PPM1D: variants seen among roughly 807,000 people sequenced by gnomAD.
PPM1D encodes protein phosphatase 1D.
PPM1D carries 52 observed loss-of-function variants against 58.3 expected under a neutral mutation model. The ratio of observed to expected loss-of-function variants is 0.89; its 90% CI spans 0.71 to 1.12. The LOEUF is 1.12. Among genes scored for constraint, PPM1D ranks in the 50% most tolerant of loss-of-function variants. PPM1D has a pLI of 0.00. For synonymous variants in PPM1D, 278 were observed against 285.1 expected, an observed-to-expected ratio of 0.98 and a Z score of 0.25; for missense variants, 564 against 777.2, an observed-to-expected ratio of 0.73 and a Z score of 3.26.
chr17:60,604,034 C>T (rs574168798), intron 1 of PPM1D, among the ~76,000 whole-genome samples: 3 of 152,184 alleles, frequency 2.0e-5, no homozygotes, highest in Non-Finnish European at 4.4e-5. Flanking sequence ...ATACTTAATA[C>T]GTTAAGATCC....
rs955724887 is a variant in PPM1D at position 60,664,571 on chromosome 17, A to AT, written c.*1025dup. On this transcript the variant is annotated 3_prime_UTR_variant, in exon 6 of 6. Transcript: ENST00000305921. ...ATGCTTGGGACCAGAAGTGTTTCAGATTTTTTAAAATTTTGGAATATTTGC... is the reference window on the plus strand; with the variant it reads ...ATGCTTGGGACCAGAAGTGTTTCAGATTTTTTTAAAATTTTGGAATATTTGC... 8 of 152,172 alleles carry AT rather than the reference A, an allele frequency of 5.3e-5. No individual in the cohort carries two copies. The highest frequency in any genetic ancestry group is 1.9e-4 in the African/African-American group (8 of 41,420). The allele number at this position is 152,172 out of a possible 1,614,324, so 9.4% of individuals were successfully genotyped here.
At chr17:60,638,941 G>A (rs1309607452) in intron 3 of PPM1D, among the ~76,000 whole-genome samples, 3 of 152,052 alleles carry the variant, frequency 2.0e-5, no homozygotes, top group Non-Finnish European at 4.4e-5. Flanking sequence ...GCTGCCTGCT[G>A]GAATTGCATT....
chr17:60,601,311 C>T (rs1456509617), intron 1 of PPM1D, among the ~76,000 whole-genome samples: 1 of 152,210 alleles, frequency 6.6e-6, no homozygotes, highest in Non-Finnish European at 1.5e-5. Flanking sequence ...AAAGTCTTAT[C>T]CCTCTCGGTT....
intron 1 of PPM1D, among the ~76,000 whole-genome samples, chr17:60,615,468 T>C (rs1260635345): frequency 6.6e-6 from 1 of 151,856 alleles, no homozygotes; most frequent in Non-Finnish European, 1.5e-5. Flanking sequence ...TGCTGTCTTT[T>C]AATGCACTTC....
At chr17:60,618,018 GGTT>G (rs2030620326) in intron 1 of PPM1D, among the ~76,000 whole-genome samples, 1 of 152,140 alleles carries the variant, frequency 6.6e-6, no homozygotes, top group African/African-American at 2.4e-5. Context: ...TAAACATGAT[GGTT>G]GTTTTTGAAG....
chr17:60,642,899 C>A (rs1376915381), intron 3 of PPM1D, among the ~76,000 whole-genome samples: 1 of 151,046 alleles, frequency 6.6e-6, no homozygotes, highest in African/African-American at 2.4e-5. Context: ...ACCCCCATCT[C>A]TACTAAAAAT....
intron 1 of PPM1D, among the ~76,000 whole-genome samples, chr17:60,601,941 A>G (rs1480124969): frequency 6.6e-6 from 1 of 152,256 alleles, no homozygotes; most frequent in African/African-American, 2.4e-5. Context: ...TGTTTATGGC[A>G]GCATAATAAC....
chr17:60,616,075 G>A (rs907523657), intron 1 of PPM1D, among the ~76,000 whole-genome samples: 24 of 151,772 alleles, frequency 1.6e-4, no homozygotes, highest in African/African-American at 4.6e-4. Flanking sequence ...GCATGATCTC[G>A]GCTCACTGCA....
rs561069463 is a variant in PPM1D, at chr17:60,600,314, C to T, written c.-101C>T. ...TCCGCCCCCTCCCCCTTCTCGGCGT[C>T]GTCGAAGATAAACAATAGTTGGCCG... On this transcript the variant is annotated 5_prime_UTR_variant, in exon 1 of 6. Coordinates refer to ENST00000305921, the MANE Select transcript of PPM1D (RefSeq NM_003620.4). 106 of 1,466,148 alleles carry T rather than the reference C, an allele frequency of 7.2e-5. No homozygotes were observed. The highest frequency in any genetic ancestry group is 4.7e-4 in the East Asian group (18 of 38,262). 90.8% of individuals were successfully genotyped at this position (1,466,148 alleles called of 1,614,324 possible).
At chr17:60,610,377 C>T (rs142954021) in intron 1 of PPM1D, among the ~76,000 whole-genome samples, 1 of 152,126 alleles carries the variant, frequency 6.6e-6, no homozygotes, top group African/African-American at 2.4e-5. Flanking sequence ...ACACACGTAG[C>T]TCTAGTTCGT....
intron 1 of PPM1D, among the ~76,000 whole-genome samples, chr17:60,617,285 A>C (rs2030604043): frequency 1.3e-5 from 2 of 152,088 alleles, no homozygotes; most frequent in African/African-American, 2.4e-5. Flanking sequence ...TGTGCTGTAG[A>C]ACTTCTGAGA....
rs1239515737 is a variant in PPM1D at position 60,645,454 on chromosome 17, A to ATG, written c.827-2437_827-2436insGT. Among the ~76,000 whole-genome samples the ATG allele has an allele frequency of 7.1e-3, 733 of 103,180 alleles. 3 individuals carry two copies. The highest frequency in any genetic ancestry group is 0.023 in the East Asian group (89 of 3,948). The allele number at this position is 103,180 out of a possible 152,430, so 67.7% of individuals were successfully genotyped here. ...GTTTCACCAAAGCAATGTAAAATAT[A>ATG]TATGTGTGTGTGTGTGTGTGTGTGT... is the stretch of plus-strand genomic sequence containing the variant. On this transcript the variant is annotated intron_variant, in intron 3 of 5. Transcript: ENST00000305921.
Position 60,663,567 on chromosome 17 carries a change from A to G in PPM1D, c.*15A>G, listed in dbSNP as rs749114461. 2 of 1,595,820 alleles carry G rather than the reference A, an allele frequency of 1.3e-6. No individual in the cohort carries two copies. Among genetic ancestry groups the G allele is most frequent in the Non-Finnish European group, 8.5e-7 (1 of 1,174,388 alleles). On this transcript the variant is annotated 3_prime_UTR_variant, in exon 6 of 6. Coordinates refer to ENST00000305921, the MANE Select transcript of PPM1D (RefSeq NM_003620.4). The stretch of plus-strand genomic sequence containing the variant: ...GTGTTTGCTGAAATGCATCTGGGAA[A>G]TGAGGTTTTTCCAAACTTAGGATAT...
chr17:60,627,737 T>C (rs2030838770), intron 2 of PPM1D, among the ~76,000 whole-genome samples: 1 of 152,042 alleles, frequency 6.6e-6, no homozygotes, highest in Non-Finnish European at 1.5e-5. Flanking sequence ...AGTATTTTGC[T>C]CACTTTTCCA....
chr17:60,660,489 A>C (rs1035842903), intron 5 of PPM1D, among the ~76,000 whole-genome samples: 3 of 152,066 alleles, frequency 2.0e-5, no homozygotes, highest in African/African-American at 7.2e-5. Context: ...CATATCTATG[A>C]TTAGATCGAG....
At chr17:60,633,745 T>C in intron 2 of PPM1D, 108 bp from the exon 3 acceptor site, 1 of 1,167,502 alleles carries the variant, frequency 8.6e-7, no homozygotes, top group Non-Finnish European at 1.2e-6. Context: ...CATAAGACAT[T>C]ATTTTGTAAT....
chr17:60,617,157 T>C (rs1598401666), intron 1 of PPM1D, among the ~76,000 whole-genome samples: 2 of 146,074 alleles, frequency 1.4e-5, no homozygotes, highest in Non-Finnish European at 1.5e-5. Context: ...AGAGACAGAA[T>C]GTGGCTGTGT....
At chr17:60,647,025 CT>C (rs1459387901) in intron 3 of PPM1D, among the ~76,000 whole-genome samples, 1 of 152,162 alleles carries the variant, frequency 6.6e-6, no homozygotes, top group Non-Finnish European at 1.5e-5. Context: ...ATTGGTACTT[CT>C]GTTTGTAGGA....
At chr17:60,657,534 C>A (rs936064623) in intron 5 of PPM1D, among the ~76,000 whole-genome samples, 1 of 152,122 alleles carries the variant, frequency 6.6e-6, no homozygotes, top group Non-Finnish European at 1.5e-5. Context: ...TTTCAGTAGA[C>A]TGACCATTAA....
Sources: gnomAD v4.1 joint callset for allele counts (sites outside exome capture counted in the v4.1 genomes callset) on GRCh38, gnomAD v4.1.1 for gene constraint, MANE v1.5 for transcripts, NCBI Gene and HGNC (gene_info 2026-07-23, HGNC 2026-07-21) for gene names.